Variants in UBN2 observed in about 807,000 individuals in gnomAD.
UBN2 encodes the protein ubinuclein-2.
UBN2 carries 35 observed loss-of-function variants against 120.2 expected under a neutral mutation model. The observed-to-expected ratio is 0.29, with a 90% confidence interval of 0.22 to 0.39. UBN2 has a LOEUF of 0.39. Among genes scored for constraint, UBN2 ranks in the 10% least tolerant of loss-of-function variants. UBN2 has a pLI of 1.00. For missense variants in UBN2, 1,693 were observed against 1,663.2 expected (o/e 1.02, Z -0.31); for synonymous variants, 661 against 648.7 (o/e 1.02, Z -0.29).
chr7:139,279,324 GA>G lies in UBN2; in HGVS notation c.2036del (p.Lys679ArgfsTer2), dbSNP rs1292338574. 1.2e-6 allele frequency: 2 copies of G among 1,608,618 alleles called. No individual in the cohort carries two copies. The highest frequency in any genetic ancestry group is 1.7e-5 in the Admixed American group (1 of 58,714). On this transcript the variant is annotated frameshift_variant, in exon 13 of 18. Transcript: ENST00000473989. LOFTEE classifies it high-confidence loss of function. ...HNHLTSAPAK[K>X]KVIPAPKPKV... ...TAAAATCTTTTTATCTTAGGGCAAA[GA>G]AAAAGGTGATTCCTGCACCTAAACC... is the stretch of plus-strand genomic sequence containing the variant.
the UBN2 span, among the ~76,000 whole-genome samples, chr7:139,323,558 T>TGATGATG: frequency 3.4e-4 from 14 of 41,004 alleles, no homozygotes; most frequent in African/African-American, 1.4e-3. Flanking sequence ...TGGACCTGAT[T>TGATGATG]ATTATTATTA....
chr7:139,254,380 A>C (rs754606944), intron 3 of UBN2, among the ~76,000 whole-genome samples: 2 of 152,218 alleles, frequency 1.3e-5, no homozygotes, highest in African/African-American at 4.8e-5. Flanking sequence ...ACATATTGCC[A>C]GTGCCCTTTG....
the UBN2 span, among the ~76,000 whole-genome samples, chr7:139,321,251 C>T: frequency 2.6e-5 from 4 of 152,290 alleles, no homozygotes; most frequent in East Asian, 3.9e-4. Context: ...ACGTCCTGGC[C>T]GTGGCGGAAT....
Position 139,286,335 on chromosome 7 carries a change from A to G in UBN2, c.3669+1761A>G, listed in dbSNP as rs1027926845. Among the ~76,000 whole-genome samples, 4 of 152,148 alleles carry G rather than the reference A, an allele frequency of 2.6e-5. No homozygotes were observed. In the East Asian group the frequency reaches 7.7e-4, roughly 29 times the overall value. ...CGCTTCCGCCTCCCAAAGTCCTGGG[A>G]TTACAGGCATGAGTCACTGCGCCGG... On this transcript the variant is annotated intron_variant, in intron 15 of 17. Coordinates refer to ENST00000473989, the MANE Select transcript of UBN2 (RefSeq NM_173569.4).
At chr7:139,253,085 C>T (rs182569153) in intron 3 of UBN2, among the ~76,000 whole-genome samples, 1 of 152,284 alleles carries the variant, frequency 6.6e-6, no homozygotes, top group Admixed American at 6.5e-5. Context: ...CCAGAAATTT[C>T]AGTGATACTT....
intron 6 of UBN2, among the ~76,000 whole-genome samples, chr7:139,264,939 T>A (rs1797051747): frequency 6.6e-6 from 1 of 152,144 alleles, no homozygotes; most frequent in South Asian, 2.1e-4. Context: ...GGGGTACATG[T>A]CATAATTTGA....
At chr7:139,294,028 T>C in intron 17 of UBN2, 47 bp downstream of exon 17, 1 of 1,561,358 alleles carries the variant, frequency 6.4e-7, no homozygotes, top group Non-Finnish European at 8.8e-7. Context: ...TATAGGCTTA[T>C]AGATATGGAT....
chr7:139,328,462 A>G, the UBN2 span, among the ~76,000 whole-genome samples: 8,437 of 152,236 alleles, frequency 0.055, 458 homozygotes, highest in African/African-American at 0.14. Flanking sequence ...CACAGAGCCA[A>G]ACCATATCAG....
At chr7:139,272,034 G>A (rs1475789137) in intron 8 of UBN2, among the ~76,000 whole-genome samples, 1 of 152,180 alleles carries the variant, frequency 6.6e-6, no homozygotes, top group African/African-American at 2.4e-5. Context: ...CTGTATGAAA[G>A]TGTTCACGGG....
chr7:139,315,487 A>AC, the UBN2 span: 1 of 152,122 alleles, frequency 6.6e-6, no homozygotes, highest in Non-Finnish European at 1.5e-5. Flanking sequence ...AGATATCTAT[A>AC]CCCCAAATAA....
At chr7:139,297,530 A>G (rs913050662) in intron 17 of UBN2, among the ~76,000 whole-genome samples, 1 of 152,196 alleles carries the variant, frequency 6.6e-6, no homozygotes, top group Non-Finnish European at 1.5e-5. Context: ...AATGATAAAT[A>G]CTTGTTGAAA....
downstream of UBN2, among the ~76,000 whole-genome samples, chr7:139,310,940 C>T (rs1389372990): frequency 6.6e-6 from 1 of 152,152 alleles, no homozygotes; most frequent in Non-Finnish European, 1.5e-5. Context: ...GCTTAGGTTA[C>T]TATCAGAGGT....
rs112273135 is a variant in UBN2, at chr7:139,236,310, G to C, written c.469-695G>C. Among the ~76,000 whole-genome samples, 932 of 152,180 alleles carry C rather than the reference G, an allele frequency of 6.1e-3. 6 individuals are homozygous for C. The highest frequency in any genetic ancestry group is 0.021 in the African/African-American group (855 of 41,516). ...TTTTTGCAGCTATTTCTCTTTTCTA[G>C]CTTTGTTTAAAAGTAATGTGTATTC... is the stretch of plus-strand genomic sequence containing the variant. On this transcript the variant is annotated intron_variant, in intron 1 of 17. Transcript: ENST00000473989.
chr7:139,321,004 C>G, the UBN2 span, among the ~76,000 whole-genome samples: 4 of 152,216 alleles, frequency 2.6e-5, no homozygotes, highest in African/African-American at 9.6e-5. Flanking sequence ...GAGACACCTG[C>G]AGTGCATCAG....
chr7:139,251,834 C>T (rs1796632162), intron 2 of UBN2, 122 bp from the exon 3 acceptor site: 5 of 792,482 alleles, frequency 6.3e-6, no homozygotes, highest in Non-Finnish European at 1.0e-5. Context: ...TGTGGGAGGA[C>T]TTAAACCTCC....
At chr7:139,244,909 A>G (rs946731133) in intron 2 of UBN2, among the ~76,000 whole-genome samples, 3 of 151,918 alleles carry the variant, frequency 2.0e-5, no homozygotes, top group African/African-American at 7.3e-5. Context: ...TTCTATATTA[A>G]TAAATACTCT....
chr7:139,293,216 C>A lies in UBN2; in HGVS notation c.3670-16C>A, dbSNP rs1247460119. On this transcript the variant is annotated splice_polypyrimidine_tract_variant and intron_variant, in intron 15 of 17. Coordinates refer to ENST00000473989, the MANE Select transcript of UBN2 (RefSeq NM_173569.4). ...GCTTTATTTCTTATGTATTTTGACC[C>A]CTGGTTTCTGCACAGTCCACAGCAG... 1.9e-6 allele frequency: 3 copies of A among 1,607,638 alleles called. No homozygotes were observed. Among genetic ancestry groups the A allele is most frequent in the Non-Finnish European group, 2.6e-6 (3 of 1,174,412 alleles).
chr7:139,281,779 G>A (rs910243196), intron 13 of UBN2, among the ~76,000 whole-genome samples: 3 of 152,164 alleles, frequency 2.0e-5, no homozygotes, highest in South Asian at 2.1e-4. Flanking sequence ...TTTTATAATG[G>A]AATTTTCACT....
chr7:139,293,572 GTTT>G (rs201538099), intron 16 of UBN2, 109 bp downstream of exon 16: 86 of 690,250 alleles, frequency 1.2e-4, no homozygotes, highest in Admixed American at 1.7e-4. Context: ...GAAGATTATA[GTTT>G]TTTTTTTTTT....
Sources: gnomAD v4.1 joint callset for allele counts (sites outside exome capture counted in the v4.1 genomes callset) on GRCh38, gnomAD v4.1.1 for gene constraint, MANE v1.5 for transcripts, NCBI Gene and HGNC (gene_info 2026-07-23, HGNC 2026-07-21) for gene names.